The following FHIT variants were observed in gnomAD, a reference collection of about 807,000 sequenced individuals.
The protein encoded by FHIT is bis(5'-adenosyl)-triphosphatase.
Under a neutral mutation model 17.9 loss-of-function variants are expected in FHIT, and 19 were observed. That is an observed-to-expected ratio of 1.06 (90% CI 0.74 to 1.56). The LOEUF (loss-of-function observed/expected upper bound fraction) is 1.56, where lower values mean the gene tolerates loss of function less well. Ranked by LOEUF, FHIT falls within the 40% of genes most tolerant of loss-of-function variation. The pLI, the probability that FHIT is intolerant of heterozygous loss-of-function variation, is 0.00. For missense variants in FHIT, 248 were observed against 189.2 expected, an observed-to-expected ratio of 1.31 and a Z score of -1.82; for synonymous variants, 81 against 69.7, an observed-to-expected ratio of 1.16 and a Z score of -0.81.
chr3:60,418,519 C>T (rs1180346528), intron 5 of FHIT, among the ~76,000 whole-genome samples: 1 of 141,062 alleles, frequency 7.1e-6, no homozygotes, highest in African/African-American at 2.6e-5. Context: ...ACTCTTCCTA[C>T]AGTTAACTGA....
At chr3:59,920,740 G>A (rs1417616906) in intron 8 of FHIT, among the ~76,000 whole-genome samples, 1 of 152,134 alleles carries the variant, frequency 6.6e-6, no homozygotes, top group African/African-American at 2.4e-5. Flanking sequence ...AGTGAGATTG[G>A]TATTTGTATT....
At chr3:60,120,879 G>A (rs760858620) in intron 5 of FHIT, among the ~76,000 whole-genome samples, 2 of 151,428 alleles carry the variant, frequency 1.3e-5, no homozygotes, top group African/African-American at 4.9e-5. Flanking sequence ...ACATAGCAGC[G>A]AACAACTTTA....
chr3:59,875,457 G>T (rs1201574301), intron 8 of FHIT, among the ~76,000 whole-genome samples: 1 of 152,192 alleles, frequency 6.6e-6, no homozygotes, highest in Admixed American at 6.5e-5. Context: ...TCTGATACCA[G>T]GGCTCTCTCT....
At position 61,029,858 on chromosome 3, in the gene FHIT, A is replaced by C. The variant is rs577106285; in HGVS notation, c.-111+12189T>G. ...CACAAACTAAAAGCAAGGCAATATT[A>C]GTCTTCCAGAGCCTTGCTATGAAAA... On this transcript the variant is annotated intron_variant, in intron 3 of 9. Coordinates refer to ENST00000492590, the MANE Select transcript of FHIT (RefSeq NM_002012.4). 6.6e-5 allele frequency among the ~76,000 whole-genome samples: 10 copies of C among 152,330 alleles called. No homozygotes were observed. The South Asian group carries it at 2.1e-3, about 32-fold the overall frequency.
chr3:60,060,219 T>C (rs551256101), intron 5 of FHIT, among the ~76,000 whole-genome samples: 9 of 151,920 alleles, frequency 5.9e-5, no homozygotes, highest in Non-Finnish European at 8.8e-5. Flanking sequence ...CTGAATTCCA[T>C]CCTCATGTTA....
chr3:59,860,388 G>A (rs571794425), intron 8 of FHIT, among the ~76,000 whole-genome samples: 1 of 152,306 alleles, frequency 6.6e-6, no homozygotes, highest in Admixed American at 6.5e-5. Flanking sequence ...GCTAGATATT[G>A]AGAGAGAGTA....
chr3:60,027,056 G>A lies in FHIT; in HGVS notation c.104-12904C>T, dbSNP rs1441265248. Among the ~76,000 whole-genome samples the A allele has an allele frequency of 2.0e-5, 3 of 149,894 alleles. No individual in the cohort carries two copies. In the East Asian group the frequency reaches 5.9e-4, roughly 30 times the overall value. ...AGAGCTTGCAGTGAGCCAAGATAAC[G>A]CCACTGCACTCTAGCCTGGGTGACA... On this transcript the variant is annotated intron_variant, in intron 5 of 9. Coordinates refer to ENST00000492590, the MANE Select transcript of FHIT (RefSeq NM_002012.4).
At chr3:60,604,530 C>A (rs1201366104) in intron 4 of FHIT, among the ~76,000 whole-genome samples, 1 of 152,184 alleles carries the variant, frequency 6.6e-6, no homozygotes, top group African/African-American at 2.4e-5. Context: ...AAGGGTTGGG[C>A]TGAAATAACA....
intron 5 of FHIT, among the ~76,000 whole-genome samples, chr3:60,360,590 A>C (rs1190943749): frequency 6.6e-6 from 1 of 152,204 alleles, no homozygotes; most frequent in Non-Finnish European, 1.5e-5. Context: ...AATGAGGGCA[A>C]CAATAGCTAT....
intron 4 of FHIT, among the ~76,000 whole-genome samples, chr3:60,645,590 T>C (rs931349277): frequency 1.3e-5 from 2 of 152,198 alleles, no homozygotes; most frequent in African/African-American, 2.4e-5. Context: ...TGGACTCATA[T>C]ATACAAAAGC....
chr3:60,469,944 G>A (rs753061780), intron 5 of FHIT, among the ~76,000 whole-genome samples: 2 of 152,022 alleles, frequency 1.3e-5, no homozygotes, highest in Non-Finnish European at 2.9e-5. Context: ...GTAACTTCCA[G>A]AAGAATTCCC....
intron 5 of FHIT, among the ~76,000 whole-genome samples, chr3:60,205,874 C>T (rs548867310): frequency 6.6e-6 from 1 of 151,218 alleles, no homozygotes; most frequent in East Asian, 1.9e-4. Context: ...TTTGGGAGGC[C>T]GAGGGGGGCA....
chr3:59,813,081 T>C (rs1007058183), intron 8 of FHIT, among the ~76,000 whole-genome samples: 2 of 152,242 alleles, frequency 1.3e-5, no homozygotes, highest in African/African-American at 4.8e-5. Flanking sequence ...GGTAATGTCA[T>C]TACTCCTGTT....
chr3:61,198,372 A>G (rs2038913103), intron 2 of FHIT, among the ~76,000 whole-genome samples: 1 of 152,180 alleles, frequency 6.6e-6, no homozygotes, highest in African/African-American at 2.4e-5. Flanking sequence ...CCAAAGAAGG[A>G]GCATTTACTT....
intron 2 of FHIT, among the ~76,000 whole-genome samples, chr3:61,132,021 G>T (rs2036778962): frequency 6.6e-6 from 1 of 152,202 alleles, no homozygotes; most frequent in African/African-American, 2.4e-5. Flanking sequence ...AACAATTGAG[G>T]TAGAATAGGG....
At chr3:60,034,526 AC>A in intron 5 of FHIT, among the ~76,000 whole-genome samples, 1 of 152,340 alleles carries the variant, frequency 6.6e-6, no homozygotes, top group Non-Finnish European at 1.5e-5. Context: ...CAGCCATTTG[AC>A]CAAGAAATGT....
At chr3:61,103,061 T>A (rs2035882379) in intron 2 of FHIT, among the ~76,000 whole-genome samples, 1 of 152,246 alleles carries the variant, frequency 6.6e-6, no homozygotes, top group Admixed American at 6.5e-5. Context: ...CTTTCAGTTC[T>A]GCTCTGATCT....
chr3:60,691,209 T>C (rs976866919), intron 4 of FHIT, among the ~76,000 whole-genome samples: 11 of 152,208 alleles, frequency 7.2e-5, no homozygotes, highest in Non-Finnish European at 1.3e-4. Context: ...TAATTGCTTC[T>C]GCCTCAAGAA....
intron 7 of FHIT, among the ~76,000 whole-genome samples, chr3:59,973,583 C>A (rs549029678): frequency 6.6e-6 from 1 of 152,116 alleles, no homozygotes; most frequent in Non-Finnish European, 1.5e-5. Context: ...ACAAACATGT[C>A]TTCTTTATAG....
Sources: gnomAD v4.1 joint callset for allele counts (sites outside exome capture counted in the v4.1 genomes callset) on GRCh38, gnomAD v4.1.1 for gene constraint, MANE v1.5 for transcripts, NCBI Gene and HGNC (gene_info 2026-07-23, HGNC 2026-07-21) for gene names.